MVP: variants seen among roughly 807,000 people sequenced by gnomAD.
MVP encodes lung resistance-related protein.
In MVP, 62 loss-of-function variants were observed where a neutral mutation model predicts 83.5. That is an observed-to-expected ratio of 0.74 (90% CI 0.61 to 0.92). The LOEUF (loss-of-function observed/expected upper bound fraction) is 0.92, where lower values mean the gene tolerates loss of function less well. Among genes scored for constraint, MVP ranks in the 40% least tolerant of loss-of-function variants. The probability of loss-of-function intolerance (pLI) is 0.00; values close to 1 mark genes in which losing one functional copy is unlikely to be tolerated. For missense variants in MVP, 1,000 were observed against 1,203.4 expected, an observed-to-expected ratio of 0.83 and a Z score of 2.50; for synonymous variants, 505 against 504.1, an observed-to-expected ratio of 1.00 and a Z score of -0.02.
rs1169567038 is a variant in MVP at position 29,842,074 on chromosome 16, G to A, written c.1596G>A (p.Ala532=). 1.2e-5 allele frequency: 20 copies of A among 1,607,278 alleles called. No individual in the cohort carries two copies. Among genetic ancestry groups the A allele is most frequent in the Admixed American group, 3.3e-5 (2 of 59,888 alleles). The change falls in exon 10 of 15, where the codon GCG becomes GCA. Residue 532 remains alanine, a synonymous_variant. Transcript: ENST00000357402. ...CAGACGTCATCACCATCGAAACGGC[G>A]GATCATGCCAGGCTGCAACTGCAGC... ...FFTDVITIET[A]DHARLQLQLA...
At chr16:29,832,324 G>GTCTCACTC (rs2067450227) in intron 3 of MVP, among the ~76,000 whole-genome samples, 1 of 130,542 alleles carries the variant, frequency 7.7e-6, no homozygotes, top group African/African-American at 2.9e-5. Context: ...TTGAGATGGA[G>GTCTCACTC]TCTCACTCTG....
At chr16:29,834,118 GCA>G in intron 5 of MVP, 52 bp downstream of exon 5, 1 of 1,581,328 alleles carries the variant, frequency 6.3e-7, no homozygotes, top group Non-Finnish European at 8.6e-7. Flanking sequence ...GGTCCCCACT[GCA>G]GGGGAAGCAG....
At chr16:29,845,274 C>A (rs924900991) in intron 11 of MVP, among the ~76,000 whole-genome samples, 1 of 151,990 alleles carries the variant, frequency 6.6e-6, no homozygotes, top group Non-Finnish European at 1.5e-5. Context: ...AACCTAAACT[C>A]CTTCCTGCAG....
chr16:29,831,083 T>G lies in MVP; in HGVS notation c.321+10T>G, dbSNP rs1427111743. ...GGAGGTGCTGGAAAAGGTACCTGGT[T>G]TCCTCACTCCCTATGCCCCACCCTA... On this transcript the variant is annotated intron_variant, in intron 3 of 14. Transcript: ENST00000357402. 1 of 1,608,158 alleles carries G rather than the reference T, an allele frequency of 6.2e-7. No homozygotes were observed. The highest frequency in any genetic ancestry group is 8.5e-7 in the Non-Finnish European group (1 of 1,179,330).
chr16:29,834,524 C>T (rs905804249), intron 5 of MVP: 5 of 202,120 alleles, frequency 2.5e-5, no homozygotes, highest in Non-Finnish European at 5.1e-5. Context: ...TAAAAATTAG[C>T]CTGGCCTTGG....
intron 10 of MVP, among the ~76,000 whole-genome samples, chr16:29,843,566 G>GAGGGAGGA (rs2067554544): frequency 1.5e-5 from 1 of 68,228 alleles, no homozygotes; most frequent in African/African-American, 7.0e-5. Context: ...GGGAGGGAGG[G>GAGGGAGGA]AGGGAGGGAG....
intron 8 of MVP, 34 bp downstream of exon 8, chr16:29,840,493 G>GTGGCCT (rs766585471): frequency 2.6e-6 from 4 of 1,541,056 alleles, no homozygotes; most frequent in African/African-American, 1.4e-5. Context: ...GTGCTGCCAC[G>GTGGCCT]TGGCCTTGGC....
In MVP at chr16:29,830,862, TCTC is replaced by T. The variant is rs1292957969; in HGVS notation, c.126-15_126-13del. The T allele has an allele frequency of 1.2e-6, 2 of 1,605,536 alleles. No homozygotes were observed. The highest frequency in any genetic ancestry group is 1.7e-6 in the Non-Finnish European group (2 of 1,173,522). The stretch of plus-strand genomic sequence containing the variant: ...CCTGGTCCCAGGTCCTCACACCTCT[TCTC>T]ATCTTCCTGCAGGGTACTGTTTGCC... On this transcript the variant is annotated splice_polypyrimidine_tract_variant and intron_variant, in intron 2 of 14. Transcript: ENST00000357402.
chr16:29,822,122 C>T (rs186421319), intron 1 of MVP, among the ~76,000 whole-genome samples: 72 of 149,172 alleles, frequency 4.8e-4, no homozygotes, highest in Admixed American at 2.5e-3. Context: ...ATAGCTCAGT[C>T]CTATGATTAG....
intron 1 of MVP, among the ~76,000 whole-genome samples, chr16:29,828,089 T>C (rs2067416279): frequency 6.6e-6 from 1 of 151,628 alleles, no homozygotes; most frequent in Non-Finnish European, 1.5e-5. Flanking sequence ...GCCTCCCAAA[T>C]AGCTGGGATT....
intron 1 of MVP, among the ~76,000 whole-genome samples, chr16:29,826,866 G>A (rs1280129386): frequency 1.3e-5 from 2 of 150,708 alleles, no homozygotes; most frequent in Non-Finnish European, 3.0e-5. Flanking sequence ...GGCGGAGGTT[G>A]CGGTGAGCCG....
At chr16:29,847,497 T>G in intron 14 of MVP, 112 bp downstream of exon 14, 19 of 1,053,112 alleles carry the variant, frequency 1.8e-5, no homozygotes, top group Middle Eastern at 3.2e-4. Flanking sequence ...GAGGGGTGAG[T>G]GACCTGACCC....
chr16:29,838,196 G>A (rs2067504128), intron 7 of MVP, among the ~76,000 whole-genome samples: 1 of 151,870 alleles, frequency 6.6e-6, no homozygotes, highest in South Asian at 2.1e-4. Flanking sequence ...CACTTTACGA[G>A]TCCAAAGCGG....
rs566700357 is a variant in MVP at position 29,843,762 on chromosome 16, CTGTAGTCCCAGCT to C, written c.1635-717_1635-705del. ...ATTAGCCAGGCCTGGTTGTGGGCACCTGTAGTCCCAGCTTGTAGTCCCAGCTACTCAAGAGGCT... is the reference window on the plus strand; with the variant it reads ...ATTAGCCAGGCCTGGTTGTGGGCACCTGTAGTCCCAGCTACTCAAGAGGCT... On this transcript the variant is annotated intron_variant, in intron 10 of 14. Transcript: ENST00000357402. Among the ~76,000 whole-genome samples the C allele has an allele frequency of 3.1e-3, 478 of 152,130 alleles. 3 individuals carry two copies. The highest frequency in any genetic ancestry group is 0.011 in the African/African-American group (440 of 41,484).
Position 29,835,805 on chromosome 16 carries a change from G to A in MVP, c.672+7G>A. 6.2e-7 allele frequency: 1 copy of A among 1,612,610 alleles called. No homozygotes were observed. Among genetic ancestry groups the A allele is most frequent in the South Asian group, 1.1e-5 (1 of 90,752 alleles). ...CGTCATCCTTACGGAAAAGGTTGGTGCTCTGGGGGCTGTGGTTTAAGGGAC... is the reference window on the plus strand; with the variant it reads ...CGTCATCCTTACGGAAAAGGTTGGTACTCTGGGGGCTGTGGTTTAAGGGAC... On this transcript the variant is annotated splice_region_variant and intron_variant, in intron 6 of 14. Coordinates refer to ENST00000357402, the MANE Select transcript of MVP (RefSeq NM_005115.5).
At position 29,841,459 on chromosome 16, in the gene MVP, G is replaced by A; in HGVS notation, c.1192-137G>A. ...GCCAGCAGATGGCAAACCCGGGGTG[G>A]AGCCTGGCCTCCCCGTAGAGAAGGT... is the stretch of plus-strand genomic sequence containing the variant. On this transcript the variant is annotated intron_variant, in intron 8 of 14. Coordinates refer to ENST00000357402, the MANE Select transcript of MVP (RefSeq NM_005115.5). The surrounding 1 kb of genome is among the most constrained non-coding windows in gnomAD (Gnocchi z 4.7). 8.3e-7 allele frequency: 1 copy of A among 1,200,116 alleles called. No individual in the cohort carries two copies. The highest frequency in any genetic ancestry group is 1.1e-6 in the Non-Finnish European group (1 of 881,390). 74.3% of individuals were successfully genotyped at this position (1,200,116 alleles called of 1,614,324 possible).
intron 7 of MVP, among the ~76,000 whole-genome samples, chr16:29,837,209 ACT>A (rs1366531610): frequency 1.3e-5 from 2 of 152,066 alleles, no homozygotes; most frequent in African/African-American, 4.8e-5. Context: ...AGACTCTGAA[ACT>A]CTGATACAGT....
At chr16:29,824,025 A>G (rs1353175816) in intron 1 of MVP, among the ~76,000 whole-genome samples, 1 of 151,682 alleles carries the variant, frequency 6.6e-6, no homozygotes, top group Non-Finnish European at 1.5e-5. Flanking sequence ...GATCACTTCC[A>G]GCCTGACCAA....
Position 29,841,096 on chromosome 16 carries a change from A to T in MVP, c.1192-500A>T, listed in dbSNP as rs1045379145. Among the ~76,000 whole-genome samples, 14 of 151,590 alleles carry T rather than the reference A, an allele frequency of 9.2e-5. No individual in the cohort carries two copies. Among genetic ancestry groups the T allele is most frequent in the African/African-American group, 2.9e-4 (12 of 41,314 alleles). On this transcript the variant is annotated intron_variant, in intron 8 of 14. Transcript: ENST00000357402. This position sits in a 1 kb window ranked among gnomAD's most constrained non-coding sequence, Gnocchi z 4.7. ...TGCCCATATCCCGGTGGAATCTTTC[A>T]TTTTTTTCTGCTTCACCTAAAACCT...
Sources: allele counts gnomAD v4.1 joint callset (sites outside exome capture counted in the v4.1 genomes callset), GRCh38; gene constraint gnomAD v4.1.1; non-coding constraint Gnocchi (gnomAD v3.1); transcripts MANE v1.5; gene names NCBI Gene and HGNC (gene_info 2026-07-23, HGNC 2026-07-21).